UTP25: variants seen among roughly 807,000 people sequenced by gnomAD.
UTP25 encodes the protein UTP25 small subunit processome component.
In UTP25, 50 loss-of-function variants were observed where a neutral mutation model predicts 78.9. That is an observed-to-expected ratio of 0.63 (90% CI 0.50 to 0.80). UTP25 has a LOEUF of 0.80. UTP25 is among the 30% of genes least tolerant of loss of function. UTP25 has a pLI of 0.00. For synonymous variants in UTP25, 329 were observed against 336.5 expected (o/e 0.98, Z 0.24); for missense variants, 846 against 911.3 (o/e 0.93, Z 0.92).
chr1:209,833,392 A>T (rs375519846), intron 4 of UTP25, 34 bp downstream of exon 4: 76 of 1,491,514 alleles, frequency 5.1e-5, no homozygotes, highest in Middle Eastern at 1.8e-4. Context: ...TGAATTCACC[A>T]GGTGCTTAGT....
chr1:209,849,457 T>C (rs1182546916), intron 11 of UTP25, among the ~76,000 whole-genome samples: 1 of 152,074 alleles, frequency 6.6e-6, no homozygotes, highest in Non-Finnish European at 1.5e-5. Flanking sequence ...AGACAACTTT[T>C]GCTTCTACTC....
chr1:209,844,818 T>G (rs1050083876), intron 11 of UTP25, among the ~76,000 whole-genome samples: 2 of 152,198 alleles, frequency 1.3e-5, no homozygotes, highest in African/African-American at 4.8e-5. Flanking sequence ...TATTTTCAAT[T>G]TTCATGGTTG....
Position 209,833,304 on chromosome 1 carries a change from A to G in UTP25, c.508A>G (p.Thr170Ala), listed in dbSNP as rs746597997. 1 of 1,595,372 alleles carries G rather than the reference A, an allele frequency of 6.3e-7. No individual in the cohort carries two copies. The highest frequency in any genetic ancestry group is 8.5e-7 in the Non-Finnish European group (1 of 1,173,878). ...AKHESLFSLE[T>A]NFLEEESGDN... ...ACACGAGTCACTGTTCAGCCTGGAA[A>G]CCAATTTTCTGGAAGAGGAAAGTGG... Residue 170 changes from threonine (T) to alanine (A), a missense_variant, in exon 4 of 12, where the codon ACC becomes GCC. Thr to Ala is a moderately conservative substitution (Grantham distance 58). Coordinates refer to ENST00000491415, the MANE Select transcript of UTP25 (RefSeq NM_014388.7).
Position 209,856,233 on chromosome 1 carries a change from A to G in UTP25, c.*4786A>G, listed in dbSNP as rs2078274898. The G allele has an allele frequency of 6.6e-6, 1 of 152,222 alleles. No individual in the cohort carries two copies. The highest frequency in any genetic ancestry group is 2.4e-5 in the African/African-American group (1 of 41,446). 9.4% of individuals were successfully genotyped at this position (152,222 alleles called of 1,614,324 possible). A position where few individuals can be genotyped will look rare whatever the true frequency, so the allele number is the denominator to read the frequency against. On this transcript the variant is annotated 3_prime_UTR_variant, in exon 12 of 12. Transcript: ENST00000491415. ...GGAAGAGACTGCTATTGTTTGCCCT[A>G]TATCCACCTACTTCCCTAGTTCCAG... is the stretch of plus-strand genomic sequence containing the variant.
At chr1:209,843,718 A>G in intron 11 of UTP25, 22 bp downstream of exon 11, 1 of 1,607,348 alleles carries the variant, frequency 6.2e-7, no homozygotes, top group East Asian at 2.2e-5. Flanking sequence ...CCAGGTTTCA[A>G]GCCTCCTCTC....
chr1:209,843,562 CAAG>C lies in UTP25; in HGVS notation c.1897_1899del (p.Lys633del). The C allele has an allele frequency of 1.2e-6, 2 of 1,614,164 alleles. No individual in the cohort carries two copies. Among genetic ancestry groups the C allele is most frequent in the South Asian group, 2.2e-5 (2 of 91,088 alleles). On this transcript the variant is annotated inframe_deletion, in exon 11 of 12. Coordinates refer to ENST00000491415, the MANE Select transcript of UTP25 (RefSeq NM_014388.7). Reference sequence around the variant, plus strand: ...ACTTCGTGCGTCTTCGAAATTACTTCAAGAAGGAGGAATTGAATTTTACCCACA... The same window carrying C: ...ACTTCGTGCGTCTTCGAAATTACTTCAAGGAGGAATTGAATTTTACCCACA...
chr1:209,838,800 G>A lies in UTP25; in HGVS notation c.1063-109G>A, dbSNP rs58524905. 113 of 1,198,156 alleles carry A rather than the reference G, an allele frequency of 9.4e-5. 1 individual carries two copies. In the African/African-American group the frequency reaches 1.6e-3, roughly 17 times the overall value. 74.2% of individuals were successfully genotyped at this position (1,198,156 alleles called of 1,614,324 possible). A position where few individuals can be genotyped will look rare whatever the true frequency, so the allele number is the denominator to read the frequency against. On this transcript the variant is annotated intron_variant, in intron 6 of 11. Coordinates refer to ENST00000491415, the MANE Select transcript of UTP25 (RefSeq NM_014388.7). ...TAACATAGGTATGTTTCTTGGCTGGGGGCCACTGCTCTACATGGAGCTTTT... is the reference window on the plus strand; with the variant it reads ...TAACATAGGTATGTTTCTTGGCTGGAGGCCACTGCTCTACATGGAGCTTTT...
At chr1:209,836,434 C>T (rs964179702) in intron 5 of UTP25, among the ~76,000 whole-genome samples, 1 of 152,144 alleles carries the variant, frequency 6.6e-6, no homozygotes, top group Non-Finnish European at 1.5e-5. Context: ...TGATGTTTAT[C>T]AAGGGTATTT....
At chr1:209,829,570 A>G (rs1571998404) in intron 1 of UTP25, among the ~76,000 whole-genome samples, 1 of 149,250 alleles carries the variant, frequency 6.7e-6, no homozygotes, top group Non-Finnish European at 1.5e-5. Flanking sequence ...TGCAGCCACC[A>G]CCTCCTGGGC....
chr1:209,844,679 A>G (rs185081181), intron 11 of UTP25: 1 of 151,704 alleles, frequency 6.6e-6, no homozygotes, highest in Non-Finnish European at 1.5e-5. Context: ...GAGGGTTAGT[A>G]ATACTGAGCC....
intron 1 of UTP25, among the ~76,000 whole-genome samples, chr1:209,829,486 C>T (rs1458557048): frequency 7.1e-6 from 1 of 141,422 alleles, no homozygotes. Context: ...CTTTTCTTTT[C>T]TTTTTTCTTT....
rs906831645 is a variant in UTP25, at chr1:209,830,815, G to T, written c.160G>T (p.Asp54Tyr). ...CTTTTCCTTTTAGTCAGAGAGTTCA[G>T]ATTCTTCAGATTCTGAAAGCGACTC... Reference protein sequence around the residue: ...PQICQLSESSDSSDSESDSES... With the variant: ...PQICQLSESSYSSDSESDSES... Residue 54 changes from aspartate (D) to tyrosine (Y), a missense_variant, in exon 3 of 12, where the codon GAT becomes TAT. Physicochemically the swap from Asp to Tyr is radical, Grantham distance 160. Transcript: ENST00000491415. 6.2e-7 allele frequency: 1 copy of T among 1,613,628 alleles called. No homozygotes were observed. Among genetic ancestry groups the T allele is most frequent in the Admixed American group, 1.7e-5 (1 of 60,008 alleles).
Position 209,828,136 on chromosome 1 carries a change from C to A in UTP25, c.73C>A (p.Arg25=), listed in dbSNP as rs1369465548. ...AACTAAAAAGCAGAAGAAACATCTT[C>A]GAGATTTCGGCGAGGAGCATCCCTT... The part of the protein sequence containing the change: ...TLTKKQKKHL[R]DFGEEHPFYD... The change falls in exon 1 of 12, where the codon CGA becomes AGA. Residue 25 remains arginine, a synonymous_variant. Coordinates refer to ENST00000491415, the MANE Select transcript of UTP25 (RefSeq NM_014388.7). The A allele has an allele frequency of 6.2e-7, 1 of 1,614,142 alleles. No individual in the cohort carries two copies. The highest frequency in any genetic ancestry group is 8.5e-7 in the Non-Finnish European group (1 of 1,180,010).
chr1:209,830,008 T>C, intron 1 of UTP25, 100 bp from the exon 2 acceptor site: 1 of 1,023,158 alleles, frequency 9.8e-7, no homozygotes, highest in Non-Finnish European at 1.5e-6. Context: ...AATGTATTTA[T>C]AATGTTATAT....
intron 7 of UTP25, among the ~76,000 whole-genome samples, chr1:209,840,617 C>T (rs1011757516): frequency 6.6e-6 from 1 of 152,082 alleles, no homozygotes; most frequent in African/African-American, 2.4e-5. Context: ...TTCTCTGGAG[C>T]AGTTTGATAG....
chr1:209,829,832 C>G (rs973300315), intron 1 of UTP25, among the ~76,000 whole-genome samples: 2 of 152,028 alleles, frequency 1.3e-5, no homozygotes, highest in Non-Finnish European at 2.9e-5. Flanking sequence ...ACATGAACCC[C>G]GAAATCTTTT....
chr1:209,832,349 A>T (rs185771634), intron 3 of UTP25, among the ~76,000 whole-genome samples: 1 of 152,242 alleles, frequency 6.6e-6, no homozygotes, highest in Admixed American at 6.5e-5. Context: ...AACTTCCTAC[A>T]TCTGTGACTG....
chr1:209,838,853 T>A (rs766248359), intron 6 of UTP25, 56 bp from the exon 7 acceptor site: 1 of 1,586,626 alleles, frequency 6.3e-7, no homozygotes, highest in Non-Finnish European at 8.7e-7. Context: ...CAGTTTCACC[T>A]CAAGATCCTG....
chr1:209,841,156 AACTCTTGTTTGGAAGCAAGGACACAC>A (rs2078165191), intron 8 of UTP25, 101 bp downstream of exon 8: 3 of 1,301,024 alleles, frequency 2.3e-6, no homozygotes, highest in Non-Finnish European at 3.2e-6. Context: ...TCCAGATTAG[AACTCTTGTTTGGAAGCAAGGACACAC>A]ACTCCACATT....
Sources: gnomAD v4.1 joint callset for allele counts (sites outside exome capture counted in the v4.1 genomes callset) on GRCh38, gnomAD v4.1.1 for gene constraint, MANE v1.5 for transcripts, NCBI Gene and HGNC (gene_info 2026-07-23, HGNC 2026-07-21) for gene names.